The following TRDN variants were observed in gnomAD, a reference collection of about 807,000 sequenced individuals.
TRDN encodes triadin, also known as triadin in skeletal muscle.
Under a neutral mutation model 149.7 loss-of-function variants are expected in TRDN, and 161 were observed. The observed-to-expected ratio is 1.08, with a 90% confidence interval of 0.95 to 1.23. TRDN has a LOEUF of 1.23. Ranked by LOEUF, TRDN falls within the 50% of genes most tolerant of loss-of-function variation. TRDN has a pLI of 0.00. For missense variants in TRDN, 896 were observed against 823.5 expected, an observed-to-expected ratio of 1.09 and a Z score of -1.08; for synonymous variants, 294 against 250.5, an observed-to-expected ratio of 1.17 and a Z score of -1.64.
intron 12 of TRDN, among the ~76,000 whole-genome samples, chr6:123,423,099 G>C (rs1405984946): frequency 1.3e-5 from 2 of 152,032 alleles, no homozygotes; most frequent in Non-Finnish European, 2.9e-5. Context: ...TAATAGTTTG[G>C]AGGAATAAAC....
At chr6:123,330,178 G>T (rs1185995136) in intron 23 of TRDN, among the ~76,000 whole-genome samples, 1 of 151,930 alleles carries the variant, frequency 6.6e-6, no homozygotes, top group African/African-American at 2.4e-5. Flanking sequence ...TAATATTCCT[G>T]TCTGCACCTT....
chr6:123,263,822 G>C (rs1439844091), intron 33 of TRDN, among the ~76,000 whole-genome samples: 1 of 151,974 alleles, frequency 6.6e-6, no homozygotes, highest in African/African-American at 2.4e-5. Flanking sequence ...GAAAATTTTA[G>C]GTCCCTTAAG....
At chr6:123,442,478 G>A (rs1225795669) in intron 10 of TRDN, among the ~76,000 whole-genome samples, 2 of 138,434 alleles carry the variant, frequency 1.4e-5, no homozygotes, top group Admixed American at 7.0e-5. Context: ...CCCTGGAGGC[G>A]GAGCTTGCAG....
chr6:123,442,238 C>A (rs901311443), intron 10 of TRDN: 1 of 152,224 alleles, frequency 6.6e-6, no homozygotes, highest in African/African-American at 2.4e-5. Flanking sequence ...CACCGAATTT[C>A]ATTTTCCTCA....
In TRDN at chr6:123,503,829, T is replaced by A; in HGVS notation, c.683A>T (p.Glu228Val). The A allele has an allele frequency of 6.2e-7, 1 of 1,607,160 alleles. No homozygotes were observed. The highest frequency in any genetic ancestry group is 8.5e-7 in the Non-Finnish European group (1 of 1,176,062). ...TTTTGCAGCTGTTTGCTTCACTTTC[T>A]CCTGTTTTCCACCTTTCACTTCCTT... is the stretch of plus-strand genomic sequence containing the variant. ...TKKEVKGGKQ[E>V]KVKQTAAKVK... The change falls in exon 8 of 41, where the codon GAG becomes GTG. Residue 228 changes from glutamate (E) to valine (V), a missense_variant. Glu to Val is a moderately radical substitution (Grantham distance 121). Coordinates refer to ENST00000334268, the MANE Select transcript of TRDN (RefSeq NM_006073.4).
At chr6:123,495,088 C>T (rs1778388263) in intron 9 of TRDN, among the ~76,000 whole-genome samples, 2 of 151,938 alleles carry the variant, frequency 1.3e-5, no homozygotes, top group South Asian at 4.2e-4. Context: ...ACCCTGTAGC[C>T]CAGAATGGAA....
chr6:123,337,786 TTCAC>T (rs1779928054), intron 21 of TRDN, 117 bp from the exon 22 acceptor site: 10 of 548,850 alleles, frequency 1.8e-5, no homozygotes, highest in Non-Finnish European at 2.9e-5. Context: ...TGAGTTGATA[TTCAC>T]AATACAAATG....
chr6:123,471,880 T>C (rs1430774953), intron 9 of TRDN: 1 of 152,236 alleles, frequency 6.6e-6, no homozygotes, highest in Non-Finnish European at 1.5e-5. Context: ...CATTTATCCT[T>C]GTACCCTGTC....
chr6:123,383,324 G>A (rs1359997915), intron 14 of TRDN, among the ~76,000 whole-genome samples: 1 of 152,080 alleles, frequency 6.6e-6, no homozygotes, highest in Admixed American at 6.6e-5. Context: ...TTCCGTAGAT[G>A]TATAAGCTAG....
At position 123,445,937 on chromosome 6, in the gene TRDN, G is replaced by T. The variant is rs556399520; in HGVS notation, c.932-6934C>A. Reference sequence around the variant, plus strand: ...TGCTGCTATAAAGACACATGCACACGTATGTTTATTGCGGCATTATTCACG... The same window carrying T: ...TGCTGCTATAAAGACACATGCACACTTATGTTTATTGCGGCATTATTCACG... On this transcript the variant is annotated intron_variant, in intron 10 of 40. Coordinates refer to ENST00000334268, the MANE Select transcript of TRDN (RefSeq NM_006073.4). 5.7e-3 allele frequency among the ~76,000 whole-genome samples: 804 copies of T among 141,502 alleles called. 90 individuals carry two copies. The highest frequency in any genetic ancestry group is 0.022 in the African/African-American group (752 of 34,480). 92.8% of individuals were successfully genotyped at this position (141,502 alleles called of 152,430 possible).
chr6:123,361,314 T>C (rs1406414552), intron 20 of TRDN, among the ~76,000 whole-genome samples: 3 of 151,618 alleles, frequency 2.0e-5, no homozygotes, highest in Non-Finnish European at 4.4e-5. Context: ...TTCTCACACA[T>C]AAGTGGGAGT....
At chr6:123,560,117 C>T (rs181039620) in intron 2 of TRDN, among the ~76,000 whole-genome samples, 24 of 152,324 alleles carry the variant, frequency 1.6e-4, no homozygotes, top group Admixed American at 7.8e-4. Flanking sequence ...CTTATGTCTG[C>T]GTGCGGCGGC....
At chr6:123,499,117 T>A (rs1778572470) in intron 8 of TRDN, among the ~76,000 whole-genome samples, 1 of 152,168 alleles carries the variant, frequency 6.6e-6, no homozygotes, top group Non-Finnish European at 1.5e-5. Context: ...ATAATTACTC[T>A]TAGAGGCACT....
At chr6:123,218,828 C>G in intron 40 of TRDN, 88 bp from the exon 41 acceptor site, 6 of 1,387,274 alleles carry the variant, frequency 4.3e-6, no homozygotes, top group Non-Finnish European at 5.8e-6. Flanking sequence ...CAGATAAGGT[C>G]ACAGATTCTG....
At chr6:123,627,775 C>T (rs1434042435) in intron 1 of TRDN, among the ~76,000 whole-genome samples, 1 of 152,210 alleles carries the variant, frequency 6.6e-6, no homozygotes, top group Non-Finnish European at 1.5e-5. Flanking sequence ...TTAGCTAGAT[C>T]TTCTGGATAA....
chr6:123,280,242 C>T (rs1777533167), intron 24 of TRDN, among the ~76,000 whole-genome samples: 1 of 151,966 alleles, frequency 6.6e-6, no homozygotes, highest in African/African-American at 2.4e-5. Flanking sequence ...TGGAAGGTGA[C>T]ATTAAGTCAT....
chr6:123,394,626 A>T (rs1041165823), intron 12 of TRDN, among the ~76,000 whole-genome samples: 4 of 152,106 alleles, frequency 2.6e-5, no homozygotes, highest in Admixed American at 6.6e-5. Flanking sequence ...TCAAATGTTG[A>T]TTATAACTTG....
chr6:123,483,316 A>G (rs1352865228), intron 9 of TRDN, among the ~76,000 whole-genome samples: 1 of 151,466 alleles, frequency 6.6e-6, no homozygotes, highest in Non-Finnish European at 1.5e-5. Context: ...GTTAGCCAGG[A>G]TGGTCTCGGT....
rs373319873 is a variant in TRDN at position 123,236,884 on chromosome 6, T to G, written c.1976-12753A>C. ...ATTAGGTAATATGATTATTCCAAAT[T>G]TGTTCTTTTAAAAAATGTTTTAGCT... On this transcript the variant is annotated intron_variant, in intron 38 of 40. Transcript: ENST00000334268. 6.1e-5 allele frequency among the ~76,000 whole-genome samples: 9 copies of G among 146,514 alleles called. No individual in the cohort carries two copies. The East Asian group carries it at 1.2e-3, about 19-fold the overall frequency.
Sources: allele counts gnomAD v4.1 joint callset (sites outside exome capture counted in the v4.1 genomes callset), GRCh38; gene constraint gnomAD v4.1.1; transcripts MANE v1.5; gene names NCBI Gene and HGNC (gene_info 2026-07-23, HGNC 2026-07-21).